Variants in ZFP90 observed in about 807,000 individuals in gnomAD.
ZFP90 encodes ZFP90 zinc finger protein, also known as zinc finger protein 90 homolog.
In ZFP90, 38 loss-of-function variants were observed where a neutral mutation model predicts 60.8. The observed-to-expected ratio is 0.62, with a 90% CI of 0.48 to 0.82. The LOEUF is 0.82. Ranked by LOEUF, ZFP90 falls within the 40% of genes least tolerant of loss-of-function variation. ZFP90 has a pLI of 0.00. For missense variants in ZFP90, 711 were observed against 759.1 expected, an observed-to-expected ratio of 0.94 and a Z score of 0.74; for synonymous variants, 287 against 264.8, an observed-to-expected ratio of 1.08 and a Z score of -0.82.
chr16:68,568,674 A>G (rs1046490668), downstream of ZFP90, among the ~76,000 whole-genome samples: 2 of 152,174 alleles, frequency 1.3e-5, no homozygotes, highest in Admixed American at 6.5e-5. Context: ...TAGGTTAACA[A>G]TAAGTCATGG....
At chr16:68,556,212 A>G (rs891049153) in intron 2 of ZFP90, among the ~76,000 whole-genome samples, 9 of 152,152 alleles carry the variant, frequency 5.9e-5, no homozygotes, top group Admixed American at 3.9e-4. Flanking sequence ...CAAGGAGGCC[A>G]TGGTCACAGG....
chr16:68,540,846 C>T (rs2091034664), intron 2 of ZFP90, among the ~76,000 whole-genome samples: 1 of 127,550 alleles, frequency 7.8e-6, no homozygotes, highest in Admixed American at 7.8e-5. Context: ...AAGATAAAAA[C>T]ACCAACTTAG....
chr16:68,539,133 G>C (rs1345156302), upstream of ZFP90: 2 of 152,280 alleles, frequency 1.3e-5, no homozygotes, highest in Non-Finnish European at 1.5e-5. Flanking sequence ...GCACACTCGA[G>C]CCACACTGGC....
At chr16:68,538,925 C>T (rs1051148466), upstream of ZFP90, among the ~76,000 whole-genome samples, 4 of 152,208 alleles carry the variant, frequency 2.6e-5, no homozygotes, top group African/African-American at 9.7e-5. Flanking sequence ...CGCTGTCTCA[C>T]TCCCTTCCTG....
Position 68,539,369 on chromosome 16 carries a change from G to A in ZFP90, c.-146G>A, listed in dbSNP as rs1597708070. 2 of 220,802 alleles carry A rather than the reference G, an allele frequency of 9.1e-6. No homozygotes were observed. The highest frequency in any genetic ancestry group is 1.9e-4 in the East Asian group (2 of 10,502). The allele number at this position is 220,802 out of a possible 1,614,324, so 13.7% of individuals were successfully genotyped here. On this transcript the variant is annotated 5_prime_UTR_variant, in exon 1 of 5. Transcript: ENST00000563169. ...GGCCCCTTTGGGCAGCCCCTCCGCAGATCAGAATTGGAGATAACCGAGGCT... is the reference window on the plus strand; with the variant it reads ...GGCCCCTTTGGGCAGCCCCTCCGCAAATCAGAATTGGAGATAACCGAGGCT...
downstream of ZFP90, among the ~76,000 whole-genome samples, chr16:68,569,008 C>T (rs1157947850): frequency 6.6e-6 from 1 of 151,498 alleles, no homozygotes; most frequent in African/African-American, 2.4e-5. Context: ...ATTTAACATA[C>T]AGTTTTTAAA....
chr16:68,553,532 G>A (rs978463598), intron 2 of ZFP90, among the ~76,000 whole-genome samples: 1 of 152,182 alleles, frequency 6.6e-6, no homozygotes, highest in Non-Finnish European at 1.5e-5. Flanking sequence ...GCCTATAGGC[G>A]GCCATAAAGA....
intron 1 of ZFP90, 49 bp from the exon 2 acceptor site, chr16:68,539,709 T>C (rs868072662): frequency 3.7e-5 from 35 of 941,498 alleles, no homozygotes; most frequent in South Asian, 2.5e-4. Flanking sequence ...CGGGGCGGGG[T>C]GGGGTCGGTG....
chr16:68,566,801 A>G lies in ZFP90; in HGVS notation c.*2103A>G, dbSNP rs929514581. The G allele has an allele frequency of 1.0e-6, 1 of 985,404 alleles. No homozygotes were observed. The highest frequency in any genetic ancestry group is 4.7e-5 in the South Asian group (1 of 21,284). The allele number at this position is 985,404 out of a possible 1,614,324, so 61.0% of individuals were successfully genotyped here. On this transcript the variant is annotated 3_prime_UTR_variant, in exon 5 of 5. Coordinates refer to ENST00000563169, the MANE Select transcript of ZFP90 (RefSeq NM_001305203.2). Reference sequence around the variant, plus strand: ...GGTTGTTTGGGGATCCCCATAGTGGACTACTTTCAGGAATGGCATGAATTG... The same window carrying G: ...GGTTGTTTGGGGATCCCCATAGTGGGCTACTTTCAGGAATGGCATGAATTG...
chr16:68,542,827 T>C (rs1049480195), intron 2 of ZFP90, among the ~76,000 whole-genome samples: 1 of 152,230 alleles, frequency 6.6e-6, no homozygotes, highest in African/African-American at 2.4e-5. Flanking sequence ...CAGGTAGTCA[T>C]TGAGCCCTAT....
intron 3 of ZFP90, 69 bp downstream of exon 3, chr16:68,558,193 G>T (rs2091377696): frequency 6.3e-7 from 1 of 1,593,570 alleles, no homozygotes; most frequent in African/African-American, 1.3e-5. Flanking sequence ...TATAGTGGTG[G>T]TGCCCAGAGC....
chr16:68,575,017 A>G (rs189484291), intron 2 of ZFP90, among the ~76,000 whole-genome samples: 47 of 152,176 alleles, frequency 3.1e-4, no homozygotes, highest in Non-Finnish European at 5.3e-4. Context: ...TATTTGAACT[A>G]TCACCCCAGA....
chr16:68,546,154 G>A (rs1450472240), intron 2 of ZFP90, among the ~76,000 whole-genome samples: 2 of 152,166 alleles, frequency 1.3e-5, no homozygotes, highest in Admixed American at 1.3e-4. Flanking sequence ...CAGCCTGGGC[G>A]ACACAGCAAG....
At chr16:68,571,338 T>C (rs1414724312), downstream of ZFP90, among the ~76,000 whole-genome samples, 1 of 152,232 alleles carries the variant, frequency 6.6e-6, no homozygotes. Context: ...AACTAGTCTT[T>C]ATTAAACTCA....
At chr16:68,567,493 C>T (rs2152077489), downstream of ZFP90, among the ~76,000 whole-genome samples, 1 of 152,258 alleles carries the variant, frequency 6.6e-6, no homozygotes, top group South Asian at 2.1e-4. Flanking sequence ...AGTCCTTTGC[C>T]AGAATTTTTT....
chr16:68,537,514 C>T (rs1405391568), upstream of ZFP90, among the ~76,000 whole-genome samples: 1 of 152,218 alleles, frequency 6.6e-6, no homozygotes, highest in East Asian at 1.9e-4. Context: ...ATTATGCATT[C>T]TGCTAATTCC....
At chr16:68,541,282 C>T (rs1182612064) in intron 2 of ZFP90, among the ~76,000 whole-genome samples, 1 of 151,986 alleles carries the variant, frequency 6.6e-6, no homozygotes, top group Non-Finnish European at 1.5e-5. Flanking sequence ...AATTGATCCG[C>T]CCACGTTGGC....
rs1375862385 is a variant in ZFP90 at position 68,566,488 on chromosome 16, ATTC to A, written c.*1794_*1796del. On this transcript the variant is annotated 3_prime_UTR_variant, in exon 5 of 5. Coordinates refer to ENST00000563169, the MANE Select transcript of ZFP90 (RefSeq NM_001305203.2). ...GGATGGCATGCAGCAGCACCCAAGT[ATTC>A]TTCATTCTTTGCAGGGAAAAAATTG... 4 of 985,590 alleles carry A rather than the reference ATTC, an allele frequency of 4.1e-6. No homozygotes were observed. Among genetic ancestry groups the A allele is most frequent in the South Asian group, 9.4e-5 (2 of 21,282 alleles). The allele number at this position is 985,590 out of a possible 1,614,324, so 61.1% of individuals were successfully genotyped here.
chr16:68,541,136 A>G (rs1054360092), intron 2 of ZFP90, among the ~76,000 whole-genome samples: 1 of 152,000 alleles, frequency 6.6e-6, no homozygotes, highest in African/African-American at 2.4e-5. Flanking sequence ...CCTGGGTTCA[A>G]GTGATTCTCC....
Sources: gnomAD v4.1 joint callset for allele counts (sites outside exome capture counted in the v4.1 genomes callset) on GRCh38, gnomAD v4.1.1 for gene constraint, MANE v1.5 for transcripts, NCBI Gene and HGNC (gene_info 2026-07-23, HGNC 2026-07-21) for gene names.